PDE1A: variants seen among roughly 807,000 people sequenced by gnomAD.
PDE1A encodes the protein phosphodiesterase 1A, also known as dual specificity calcium/calmodulin-dependent 3',5'-cyclic nucleotide phosphodiesterase 1A.
A neutral mutation model predicts 61.7 loss-of-function variants in PDE1A; 35 were observed. The observed-to-expected ratio is 0.57, with a 90% CI of 0.43 to 0.75. The LOEUF is 0.75. Ranked by LOEUF, PDE1A falls within the 30% of genes least tolerant of loss-of-function variation. The pLI is 0.00. For synonymous variants in PDE1A, 232 were observed against 213.2 expected (o/e 1.09, Z -0.77); for missense variants, 597 against 630.6 (o/e 0.95, Z 0.57).
At chr2:182,641,389 G>A in the PDE1A span, among the ~76,000 whole-genome samples, 1 of 151,918 alleles carries the variant, frequency 6.6e-6, no homozygotes, top group South Asian at 2.1e-4. Context: ...TGTTGTCATA[G>A]TTAAGCTATT....
At chr2:182,697,460 G>A in the PDE1A span, among the ~76,000 whole-genome samples, 19 of 152,338 alleles carry the variant, frequency 1.2e-4, 1 homozygote, top group East Asian at 3.5e-3. Flanking sequence ...TTTCCATGAG[G>A]ACACTGCTTC....
At chr2:182,424,840 T>A (rs1208631795) in intron 1 of PDE1A, among the ~76,000 whole-genome samples, 1 of 152,198 alleles carries the variant, frequency 6.6e-6, no homozygotes, top group Non-Finnish European at 1.5e-5. Flanking sequence ...ACAGCTTTAA[T>A]CTGTTATCAG....
intron 2 of PDE1A, among the ~76,000 whole-genome samples, chr2:182,493,218 A>G (rs1367869394): frequency 8.1e-6 from 1 of 122,868 alleles, no homozygotes; most frequent in Non-Finnish European, 1.6e-5. Context: ...CGGCAAGAGG[A>G]CTTTCTCGAC....
intron 13 of PDE1A, among the ~76,000 whole-genome samples, chr2:182,153,406 G>T (rs544181879): frequency 7.2e-5 from 11 of 152,316 alleles, no homozygotes; most frequent in African/African-American, 2.6e-4. Context: ...TGCCAGGAAA[G>T]AAATGAAGCC....
the PDE1A span, among the ~76,000 whole-genome samples, chr2:182,609,894 C>T: frequency 5.3e-5 from 8 of 152,118 alleles, no homozygotes; most frequent in African/African-American, 1.7e-4. Context: ...TCGAGACCAG[C>T]GTGGCCAACA....
At chr2:182,664,162 A>G in the PDE1A span, among the ~76,000 whole-genome samples, 6 of 152,200 alleles carry the variant, frequency 3.9e-5, no homozygotes. Context: ...AAATTTAAAA[A>G]TCAATTAATA....
intron 1 of PDE1A, among the ~76,000 whole-genome samples, chr2:182,375,365 T>A (rs1011354803): frequency 5.3e-5 from 8 of 152,184 alleles, no homozygotes; most frequent in Admixed American, 1.3e-4. Flanking sequence ...GGTACAGGTA[T>A]TGGGTAAATA....
chr2:182,220,884 G>A (rs918803237), intron 7 of PDE1A, among the ~76,000 whole-genome samples: 1 of 143,498 alleles, frequency 7.0e-6, no homozygotes, highest in East Asian at 1.9e-4. Context: ...AATATTGAGA[G>A]TTAAAAATCA....
chr2:182,150,091 A>C (rs1690697651), intron 13 of PDE1A, among the ~76,000 whole-genome samples: 1 of 152,158 alleles, frequency 6.6e-6, no homozygotes, highest in South Asian at 2.1e-4. Flanking sequence ...AGGTCGCTAC[A>C]CTAAATATAA....
chr2:182,483,996 A>C (rs1241122247), intron 2 of PDE1A, among the ~76,000 whole-genome samples: 2 of 151,908 alleles, frequency 1.3e-5, no homozygotes, highest in Non-Finnish European at 2.9e-5. Context: ...ATGCCAAAAA[A>C]TTGGACAACT....
chr2:182,681,780 G>T, the PDE1A span, among the ~76,000 whole-genome samples: 1 of 152,008 alleles, frequency 6.6e-6, no homozygotes, highest in African/African-American at 2.4e-5. Context: ...CGAGTAGCTG[G>T]GACTACAGGC....
At chr2:182,252,927 A>G (rs1215896800) in intron 2 of PDE1A, among the ~76,000 whole-genome samples, 1 of 152,216 alleles carries the variant, frequency 6.6e-6, no homozygotes, top group East Asian at 1.9e-4. Flanking sequence ...CTATATAAAT[A>G]TAGTAAAGAA....
chr2:182,514,128 T>A (rs560852822), intron 2 of PDE1A, among the ~76,000 whole-genome samples: 1 of 152,162 alleles, frequency 6.6e-6, no homozygotes, highest in East Asian at 1.9e-4. Context: ...ACCAGGGAAG[T>A]AAAAGATTTC....
intron 6 of PDE1A, among the ~76,000 whole-genome samples, chr2:182,226,881 T>C (rs1689184483): frequency 1.4e-5 from 2 of 139,302 alleles, no homozygotes; most frequent in Non-Finnish European, 2.9e-5. Flanking sequence ...ATTAATAACA[T>C]GTATTATAAC....
chr2:182,566,551 TAAATTATATTAGATTTTAAATA>T, the PDE1A span, among the ~76,000 whole-genome samples: 2 of 151,720 alleles, frequency 1.3e-5, no homozygotes, highest in South Asian at 4.1e-4. Flanking sequence ...AGGAAATAAG[TAAATTATATTAGATTTTAAATA>T]TTTCTTTCTA....
chr2:182,180,884 T>C (rs1684703586), intron 13 of PDE1A, among the ~76,000 whole-genome samples: 1 of 151,860 alleles, frequency 6.6e-6, no homozygotes, highest in South Asian at 2.1e-4. Flanking sequence ...ATTCAGCTAT[T>C]GATACTTGTG....
chr2:182,626,586 T>A, the PDE1A span, among the ~76,000 whole-genome samples: 3 of 149,834 alleles, frequency 2.0e-5, no homozygotes, highest in Non-Finnish European at 4.4e-5. Context: ...CTGGAGAACA[T>A]TATATAAATA....
At chr2:182,513,925 G>A (rs1026496799) in intron 2 of PDE1A, among the ~76,000 whole-genome samples, 6 of 152,130 alleles carry the variant, frequency 3.9e-5, no homozygotes, top group African/African-American at 1.4e-4. Context: ...CCCAACACTG[G>A]AGCATCCAGA....
chr2:182,338,320 G>C (rs1383213961), intron 1 of PDE1A, among the ~76,000 whole-genome samples: 1 of 152,272 alleles, frequency 6.6e-6, no homozygotes, highest in East Asian at 1.9e-4. Context: ...TCACTTCACA[G>C]GGACTTCATG....
Sources: allele counts gnomAD v4.1 joint callset (sites outside exome capture counted in the v4.1 genomes callset), GRCh38; gene constraint gnomAD v4.1.1; transcripts MANE v1.5; gene names NCBI Gene and HGNC (gene_info 2026-07-23, HGNC 2026-07-21).